DSCAM: variants seen among roughly 807,000 people sequenced by gnomAD.
The protein encoded by DSCAM is DS cell adhesion molecule, also known as cell adhesion molecule DSCAM.
Under a neutral mutation model 217.7 loss-of-function variants are expected in DSCAM, and 47 were observed. The observed-to-expected ratio is 0.22, with a 90% confidence interval of 0.17 to 0.28. The LOEUF (loss-of-function observed/expected upper bound fraction) is 0.28, where lower values mean the gene tolerates loss of function less well. Among genes scored for constraint, DSCAM ranks in the 10% least tolerant of loss-of-function variants. DSCAM has a pLI of 1.00. For missense variants in DSCAM, 2,080 were observed against 2,618.3 expected, an observed-to-expected ratio of 0.79 and a Z score of 4.49; for synonymous variants, 1,056 against 1,015.3, an observed-to-expected ratio of 1.04 and a Z score of -0.76.
At position 40,312,234 on chromosome 21, in the gene DSCAM, T is replaced by G; in HGVS notation, c.1909A>C (p.Ile637Leu). Residue 637 changes from isoleucine to leucine, a missense_variant, in exon 9 of 33, where the codon ATC (isoleucine) becomes CTC (leucine). Physicochemically the swap from Ile to Leu is conservative, Grantham distance 5. This residue lies in a region of DSCAM where 218 missense variants were observed against 364.1 expected (regional missense o/e 0.60). Coordinates refer to ENST00000400454, the MANE Select transcript of DSCAM (RefSeq NM_001389.5). ...TITWQKDGRP[I>L]PGSLGVTIDN... ...ATGGTCACCCCAAGGCTCCCAGGGATTGGCCGGCCATCCTTCTGCCAGGTG... is the reference window on the plus strand; with the variant it reads ...ATGGTCACCCCAAGGCTCCCAGGGAGTGGCCGGCCATCCTTCTGCCAGGTG... The G allele has an allele frequency of 6.2e-7, 1 of 1,614,118 alleles. No homozygotes were observed. The highest frequency in any genetic ancestry group is 8.5e-7 in the Non-Finnish European group (1 of 1,180,012).
chr21:40,664,610 T>C (rs1207988587), intron 3 of DSCAM, among the ~76,000 whole-genome samples: 1 of 152,220 alleles, frequency 6.6e-6, no homozygotes, highest in East Asian at 1.9e-4. Context: ...CATGCTTTCA[T>C]GTTAGGGAAA....
At chr21:40,114,177 A>C (rs1012674153) in intron 20 of DSCAM, among the ~76,000 whole-genome samples, 14 of 146,880 alleles carry the variant, frequency 9.5e-5, no homozygotes, top group African/African-American at 3.5e-4. Context: ...ACAAGGCTAC[A>C]GTAACCAAAA....
chr21:40,825,587 G>A (rs1046816362), intron 1 of DSCAM, among the ~76,000 whole-genome samples: 2 of 151,990 alleles, frequency 1.3e-5, no homozygotes, highest in Non-Finnish European at 2.9e-5. Flanking sequence ...CAAAATGCTG[G>A]GTTACAGGCA....
At position 40,611,208 on chromosome 21, in the gene DSCAM, G is replaced by A. The variant is rs571555087; in HGVS notation, c.508+81602C>T. Among the ~76,000 whole-genome samples the A allele has an allele frequency of 6.6e-5, 10 of 151,792 alleles. No individual in the cohort carries two copies. In the South Asian group the frequency reaches 1.9e-3, roughly 29 times the overall value. On this transcript the variant is annotated intron_variant, in intron 3 of 32. Transcript: ENST00000400454. ...CGGGTAGCTGGGACTACAGGTGCAC[G>A]CCTCCACCCACAGCTAATTTTTGTA...
At chr21:40,307,972 T>C (rs1452676752) in intron 9 of DSCAM, among the ~76,000 whole-genome samples, 1 of 148,382 alleles carries the variant, frequency 6.7e-6, no homozygotes, top group African/African-American at 2.5e-5. Context: ...TTAGGAGATA[T>C]ACCTAATGCT....
intron 20 of DSCAM, among the ~76,000 whole-genome samples, chr21:40,111,482 C>T (rs1283658615): frequency 1.3e-5 from 2 of 152,132 alleles, no homozygotes; most frequent in African/African-American, 2.4e-5. Flanking sequence ...TAAAGACTGT[C>T]GAGGCTAGGA....
At chr21:40,486,354 G>A (rs1052999681) in intron 3 of DSCAM, among the ~76,000 whole-genome samples, 1 of 152,078 alleles carries the variant, frequency 6.6e-6, no homozygotes, top group African/African-American at 2.4e-5. Context: ...GATGACTCCA[G>A]ACTGTCCATC....
intron 10 of DSCAM, among the ~76,000 whole-genome samples, chr21:40,277,277 C>T (rs187811872): frequency 3.9e-4 from 60 of 152,232 alleles, no homozygotes; most frequent in Non-Finnish European, 7.1e-4. Context: ...AGAACCTACA[C>T]GGGAGCTGAA....
intron 3 of DSCAM, among the ~76,000 whole-genome samples, chr21:40,619,067 A>T (rs545530294): frequency 6.6e-6 from 1 of 152,326 alleles, no homozygotes; most frequent in East Asian, 1.9e-4. Context: ...ATATAAAGAT[A>T]AGCAATTTTA....
chr21:40,369,153 G>C lies in DSCAM; in HGVS notation c.601C>G (p.His201Asp). The change falls in exon 4 of 33, where the codon CAT becomes GAT. Residue 201 changes from histidine (H) to aspartate (D), a missense_variant. Transcript: ENST00000400454. ...TGCCTCGTCTCTCCGGTGTATCGAT[G>C]CCGCGTGATGCAGCGGTAGTTATAC... ...GLYNYRCITR[H>D]RYTGETRQSN... 1 of 1,613,432 alleles carries C rather than the reference G, an allele frequency of 6.2e-7. No individual in the cohort carries two copies. The highest frequency in any genetic ancestry group is 8.5e-7 in the Non-Finnish European group (1 of 1,179,694).
intron 11 of DSCAM, among the ~76,000 whole-genome samples, chr21:40,241,710 A>G (rs540960654): frequency 6.6e-6 from 1 of 152,346 alleles, no homozygotes; most frequent in East Asian, 1.9e-4. Flanking sequence ...TGTTCACTGA[A>G]GCACTATTAA....
Position 40,729,934 on chromosome 21 carries a change from G to A in DSCAM, c.44-21163C>T, listed in dbSNP as rs551521480. 3.9e-5 allele frequency among the ~76,000 whole-genome samples: 6 copies of A among 152,214 alleles called. No homozygotes were observed. The South Asian group carries it at 1.0e-3, about 26-fold the overall frequency. ...TTGCCTATCACACTAGAATGAATTC[G>A]CCGAGTCACAGAAACGTCTCTGAAA... On this transcript the variant is annotated intron_variant, in intron 1 of 32. Coordinates refer to ENST00000400454, the MANE Select transcript of DSCAM (RefSeq NM_001389.5).
chr21:40,101,766 G>T (rs2089754436), intron 20 of DSCAM, among the ~76,000 whole-genome samples: 1 of 151,548 alleles, frequency 6.6e-6, no homozygotes, highest in African/African-American at 2.4e-5. Context: ...GCTGGTCATG[G>T]TTTTTACTGT....
intron 3 of DSCAM, among the ~76,000 whole-genome samples, chr21:40,621,960 G>A (rs1484496204): frequency 2.0e-5 from 3 of 147,662 alleles, no homozygotes; most frequent in African/African-American, 7.5e-5. Context: ...AGGAAGGAAG[G>A]AAAGAAAGGA....
chr21:40,515,891 T>A (rs551906265), intron 3 of DSCAM, among the ~76,000 whole-genome samples: 1 of 152,236 alleles, frequency 6.6e-6, no homozygotes, highest in South Asian at 2.1e-4. Flanking sequence ...ATGACCCACA[T>A]TCTTGGGAAC....
chr21:40,405,314 A>G (rs1379698994), intron 3 of DSCAM, among the ~76,000 whole-genome samples: 4 of 152,202 alleles, frequency 2.6e-5, no homozygotes, highest in South Asian at 2.1e-4. Flanking sequence ...ATATCTATGC[A>G]TGCACTTAGG....
intron 1 of DSCAM, among the ~76,000 whole-genome samples, chr21:40,769,777 ATC>A (rs1159470384): frequency 6.6e-6 from 1 of 152,058 alleles, no homozygotes; most frequent in Non-Finnish European, 1.5e-5. Context: ...CACCCTAACT[ATC>A]TGATCAGGTT....
At chr21:40,119,752 A>C (rs1350405083) in intron 20 of DSCAM, among the ~76,000 whole-genome samples, 1 of 151,958 alleles carries the variant, frequency 6.6e-6, no homozygotes, top group African/African-American at 2.4e-5. Context: ...GTGACATGAA[A>C]TAGGGAGGGT....
chr21:40,665,633 C>A (rs1338587301), intron 3 of DSCAM, among the ~76,000 whole-genome samples: 1 of 152,146 alleles, frequency 6.6e-6, no homozygotes, highest in African/African-American at 2.4e-5. Context: ...GTAAGCAGGT[C>A]ATTATTTACA....
Sources: allele counts gnomAD v4.1 joint callset (sites outside exome capture counted in the v4.1 genomes callset), GRCh38; gene constraint gnomAD v4.1.1; regional missense constraint gnomAD v4.1.1; transcripts MANE v1.5; gene names NCBI Gene and HGNC (gene_info 2026-07-23, HGNC 2026-07-21).